The following CHD1 variants were observed in gnomAD, a reference collection of about 807,000 sequenced individuals.
The protein encoded by CHD1 is chromodomain helicase DNA binding protein 1.
A neutral mutation model predicts 224.2 loss-of-function variants in CHD1; 36 were observed. That is an observed-to-expected ratio of 0.16 (90% CI 0.12 to 0.21). CHD1 has a LOEUF of 0.21. Ranked by LOEUF, CHD1 falls within the 10% of genes least tolerant of loss-of-function variation. The pLI, the probability that CHD1 is intolerant of heterozygous loss-of-function variation, is 1.00. For missense variants in CHD1, 1,378 were observed against 1,994.8 expected (o/e 0.69, Z 5.89); for synonymous variants, 668 against 658.3 (o/e 1.01, Z -0.23).
In CHD1 at chr5:98,856,401, G is replaced by A. The variant is rs1005828855; in HGVS notation, c.5112C>T (p.Thr1704=). 1 of 1,612,548 alleles carries A rather than the reference G, an allele frequency of 6.2e-7. No individual in the cohort carries two copies. The highest frequency in any genetic ancestry group is 2.2e-5 in the East Asian group (1 of 44,854). ...SVEHKSTPEH[T]WSSRKT Reference sequence around the variant, plus strand: ...TTTGTTATGTTTTCCGACTACTCCAGGTATGCTCCGGTGTACTTTTGTGTT... The same window carrying A: ...TTTGTTATGTTTTCCGACTACTCCAAGTATGCTCCGGTGTACTTTTGTGTT... Residue 1704 remains threonine (T), a synonymous_variant, in exon 36 of 36, where the codon ACC becomes ACT. Transcript: ENST00000614616.
At position 98,905,093 on chromosome 5, in the gene CHD1, G is replaced by A. The variant is rs778115031; in HGVS notation, c.59C>T (p.Ser20Leu). 4 of 1,611,620 alleles carry A rather than the reference G, an allele frequency of 2.5e-6. No homozygotes were observed. Among genetic ancestry groups the A allele is most frequent in the East Asian group, 2.2e-5 (1 of 44,850 alleles). Reference sequence around the variant, plus strand: ...TGAAGCTGACCCAGAATCATCATCCGACTGGCTATAATTTGAAAATAAACA... The same window carrying A: ...TGAAGCTGACCCAGAATCATCATCCAACTGGCTATAATTTGAAAATAAACA... ...VRNSSGESSQ[S>L]DDDSGSASGS... Residue 20 changes from serine to leucine, a missense_variant, in exon 3 of 36, where the codon TCG (serine) becomes TTG (leucine). By Grantham distance (145) the Ser-to-Leu change is moderately radical. Coordinates refer to ENST00000614616, the MANE Select transcript of CHD1 (RefSeq NM_001270.4).
At chr5:98,908,243 TTC>T (rs1458628606) in intron 2 of CHD1, among the ~76,000 whole-genome samples, 2 of 152,186 alleles carry the variant, frequency 1.3e-5, no homozygotes, top group Non-Finnish European at 1.5e-5. Flanking sequence ...GTACCATTCC[TTC>T]TCTTTTCTTT....
At chr5:98,927,337 G>A (rs1009362711) in intron 1 of CHD1, among the ~76,000 whole-genome samples, 7 of 152,100 alleles carry the variant, frequency 4.6e-5, no homozygotes, top group Non-Finnish European at 1.0e-4. Context: ...CTCTGGCAGG[G>A]GAGGGAGAGG....
intron 2 of CHD1, among the ~76,000 whole-genome samples, chr5:98,916,130 TC>T (rs1176162133): frequency 6.6e-6 from 1 of 151,612 alleles, no homozygotes; most frequent in African/African-American, 2.4e-5. Flanking sequence ...AGGTGGAAGT[TC>T]CAGTGAGCCA....
intron 2 of CHD1, among the ~76,000 whole-genome samples, chr5:98,907,456 C>G (rs1237633986): frequency 6.6e-6 from 1 of 151,820 alleles, no homozygotes; most frequent in Non-Finnish European, 1.5e-5. Context: ...GGCATGGTGG[C>G]GCATGCCTGT....
intron 1 of CHD1, among the ~76,000 whole-genome samples, 163 bp downstream of exon 1, chr5:98,928,376 C>T (rs1753639057): frequency 6.6e-6 from 1 of 152,078 alleles, no homozygotes; most frequent in African/African-American, 2.4e-5. Flanking sequence ...TCACACGCCC[C>T]CTGCGCGCCA....
intron 10 of CHD1, among the ~76,000 whole-genome samples, chr5:98,897,796 G>C (rs988874535): frequency 3.3e-5 from 5 of 152,180 alleles, no homozygotes; most frequent in African/African-American, 4.8e-5. Context: ...CAAGGATGCA[G>C]AAAGTATTGT....
intron 15 of CHD1, among the ~76,000 whole-genome samples, chr5:98,890,860 G>A (rs1454304038): frequency 3.9e-5 from 6 of 152,030 alleles, no homozygotes; most frequent in Admixed American, 3.3e-4. Context: ...TTTCCCCATC[G>A]TATACATTTT....
At chr5:98,860,161 T>C (rs754479855) in intron 32 of CHD1, 93 bp from the exon 33 acceptor site, 3 of 719,488 alleles carry the variant, frequency 4.2e-6, no homozygotes, top group Non-Finnish European at 7.7e-6. Flanking sequence ...CACAAACACA[T>C]ATACACATAC....
chr5:98,911,437 C>A (rs1752416467), intron 2 of CHD1, among the ~76,000 whole-genome samples: 2 of 151,878 alleles, frequency 1.3e-5, no homozygotes, highest in Admixed American at 1.3e-4. Context: ...ACAGAAAATG[C>A]TGGTTTGGGC....
intron 2 of CHD1, among the ~76,000 whole-genome samples, chr5:98,911,710 G>A (rs1235576329): frequency 6.6e-6 from 1 of 152,104 alleles, no homozygotes; most frequent in Non-Finnish European, 1.5e-5. Flanking sequence ...CGCAGAGTAA[G>A]GAATGCATAA....
intron 29 of CHD1, among the ~76,000 whole-genome samples, chr5:98,870,227 T>C (rs1253220006): frequency 6.6e-6 from 1 of 152,226 alleles, no homozygotes; most frequent in East Asian, 1.9e-4. Context: ...CAGGTAGTTA[T>C]TGACATTATG....
chr5:98,883,845 ATATATATATATATATATTTTTTTTTT>A, intron 18 of CHD1: 1 of 35,858 alleles, frequency 2.8e-5, no homozygotes. Context: ...ATATATATAT[ATATATATATATATATATTTTTTTTTT>A]TTTTTTTTTT....
chr5:98,919,994 G>A (rs1005056844), intron 2 of CHD1, among the ~76,000 whole-genome samples: 7 of 151,950 alleles, frequency 4.6e-5, no homozygotes, highest in East Asian at 1.9e-4. Flanking sequence ...AGAAACATAC[G>A]AGCCAACCTA....
chr5:98,922,284 A>G (rs1753149169), intron 2 of CHD1, among the ~76,000 whole-genome samples: 1 of 152,250 alleles, frequency 6.6e-6, no homozygotes, highest in African/African-American at 2.4e-5. Flanking sequence ...ATCTTTAAAA[A>G]GCTTAACTTC....
intron 31 of CHD1, among the ~76,000 whole-genome samples, chr5:98,866,775 TCAGTTGTGG>T (rs1748903803): frequency 6.6e-6 from 1 of 152,202 alleles, no homozygotes; most frequent in Non-Finnish European, 1.5e-5. Context: ...AGTGTTTCCT[TCAGTTGTGG>T]CTTGTAAGGA....
At chr5:98,890,643 C>CT (rs1561516064) in intron 15 of CHD1, among the ~76,000 whole-genome samples, 2 of 152,052 alleles carry the variant, frequency 1.3e-5, no homozygotes, top group African/African-American at 4.8e-5. Flanking sequence ...AAATGCATTA[C>CT]TTTTTTTAAA....
At chr5:98,867,177 TAAATA>T (rs1748939448) in intron 31 of CHD1, among the ~76,000 whole-genome samples, 1 of 152,140 alleles carries the variant, frequency 6.6e-6, no homozygotes, top group Non-Finnish European at 1.5e-5. Context: ...GAGTAAATTA[TAAATA>T]AATACATAAA....
At position 98,905,019 on chromosome 5, in the gene CHD1, T is replaced by C; in HGVS notation, c.133A>G (p.Ser45Gly). ...TCAGAGTCACTGCTACCTGACTGGCTACTGCTTCCATCACTACTGCTTCCA... is the reference window on the plus strand; with the variant it reads ...TCAGAGTCACTGCTACCTGACTGGCCACTGCTTCCATCACTACTGCTTCCA... ...SSGSSSDGSS[S>G]QSGSSDSDSG... Residue 45 changes from serine (S) to glycine (G), a missense_variant, in exon 3 of 36, where the codon AGC becomes GGC. By Grantham distance (56) the Ser-to-Gly change is moderately conservative (BLOSUM62 0). Coordinates refer to ENST00000614616, the MANE Select transcript of CHD1 (RefSeq NM_001270.4). The C allele has an allele frequency of 1.3e-6, 2 of 1,566,886 alleles. No individual in the cohort carries two copies. The highest frequency in any genetic ancestry group is 2.2e-5 in the East Asian group (1 of 44,630).
Sources: gnomAD v4.1 joint callset for allele counts (sites outside exome capture counted in the v4.1 genomes callset) on GRCh38, gnomAD v4.1.1 for gene constraint, MANE v1.5 for transcripts, NCBI Gene and HGNC (gene_info 2026-07-23, HGNC 2026-07-21) for gene names.